The following ANAPC10 variants were observed in gnomAD, a reference collection of about 807,000 sequenced individuals.
The protein encoded by ANAPC10 is anaphase-promoting complex subunit 10.
Under a neutral mutation model 22.0 loss-of-function variants are expected in ANAPC10, and 12 were observed. The observed-to-expected ratio is 0.55, with a 90% CI of 0.35 to 0.88. The LOEUF (loss-of-function observed/expected upper bound fraction) is 0.88. Ranked by LOEUF, ANAPC10 falls within the 40% of genes least tolerant of loss-of-function variation. The probability of loss-of-function intolerance (pLI) is 0.01; values close to 1 mark genes in which losing one functional copy is unlikely to be tolerated. For synonymous variants in ANAPC10, 65 were observed against 69.5 expected (o/e 0.94, Z 0.32); for missense variants, 188 against 220.9 (o/e 0.85, Z 0.94).
At chr4:145,078,258 C>T (rs1438292339) in intron 3 of ANAPC10, among the ~76,000 whole-genome samples, 1 of 151,340 alleles carries the variant, frequency 6.6e-6, no homozygotes, top group African/African-American at 2.4e-5. Flanking sequence ...ATCAAGAACA[C>T]AATTCCACTC....
chr4:145,023,077 C>G (rs1185841629), intron 4 of ANAPC10, among the ~76,000 whole-genome samples: 1 of 152,016 alleles, frequency 6.6e-6, no homozygotes, highest in Admixed American at 6.6e-5. Context: ...AGTACATTTA[C>G]AACATGGAAT....
chr4:145,034,650 T>C (rs1211834938), intron 4 of ANAPC10, among the ~76,000 whole-genome samples: 2 of 150,826 alleles, frequency 1.3e-5, no homozygotes, highest in African/African-American at 4.9e-5. Context: ...ATATACAGGA[T>C]AAAAATTATA....
chr4:145,075,001 T>TA (rs1228624007), intron 3 of ANAPC10, among the ~76,000 whole-genome samples: 3 of 152,046 alleles, frequency 2.0e-5, no homozygotes, highest in East Asian at 3.8e-4. Flanking sequence ...TTTTTTTTTT[T>TA]ATTATTGTTT....
intron 2 of ANAPC10, among the ~76,000 whole-genome samples, chr4:145,094,212 G>A (rs1748136267): frequency 6.6e-6 from 1 of 152,114 alleles, no homozygotes; most frequent in African/African-American, 2.4e-5. Context: ...ACCCACAAGT[G>A]AATTATGCTA....
intron 4 of ANAPC10, among the ~76,000 whole-genome samples, chr4:145,012,176 G>GTATATATA (rs111592959): frequency 7.1e-6 from 1 of 140,630 alleles, no homozygotes; most frequent in Non-Finnish European, 1.5e-5. Flanking sequence ...GTGTGTGTGT[G>GTATATATA]TATATATATA....
chr4:145,056,234 C>T (rs1297526383), intron 4 of ANAPC10, among the ~76,000 whole-genome samples: 1 of 152,206 alleles, frequency 6.6e-6, no homozygotes, highest in Non-Finnish European at 1.5e-5. Flanking sequence ...CTGGCCCAAA[C>T]CCACCAAAAC....
intron 3 of ANAPC10, among the ~76,000 whole-genome samples, chr4:145,067,721 T>C (rs543526362): frequency 2.6e-5 from 4 of 152,348 alleles, no homozygotes; most frequent in South Asian, 2.1e-4. Flanking sequence ...TAATTTCTCA[T>C]TGGGTTTGGA....
chr4:145,036,122 T>C (rs886394218), intron 4 of ANAPC10, among the ~76,000 whole-genome samples: 1 of 152,118 alleles, frequency 6.6e-6, no homozygotes, highest in African/African-American at 2.4e-5. Flanking sequence ...CATTAGGACA[T>C]GGTATGATTC....
intron 4 of ANAPC10, among the ~76,000 whole-genome samples, chr4:145,009,499 G>A (rs1022047435): frequency 2.6e-5 from 4 of 152,058 alleles, no homozygotes; most frequent in African/African-American, 7.3e-5. Flanking sequence ...ACAGAACAGA[G>A]GCCTCAGAAA....
At chr4:145,001,054 G>C (rs2126853897) in intron 4 of ANAPC10, among the ~76,000 whole-genome samples, 1 of 152,136 alleles carries the variant, frequency 6.6e-6, no homozygotes, top group East Asian at 1.9e-4. Flanking sequence ...GGCAGGGGGA[G>C]GGATAGCATT....
At chr4:145,048,723 T>C (rs1740678027) in intron 4 of ANAPC10, among the ~76,000 whole-genome samples, 1 of 151,956 alleles carries the variant, frequency 6.6e-6, no homozygotes, top group Non-Finnish European at 1.5e-5. Flanking sequence ...AAAGAACATG[T>C]ATGTTTTTCA....
At chr4:144,996,356 C>T (rs183272254) in intron 4 of ANAPC10, among the ~76,000 whole-genome samples, 1 of 152,166 alleles carries the variant, frequency 6.6e-6, no homozygotes, top group Non-Finnish European at 1.5e-5. Context: ...CTGGAGCAAC[C>T]TCAGCTGGGC....
intron 4 of ANAPC10, among the ~76,000 whole-genome samples, chr4:145,062,200 C>G (rs935132045): frequency 2.0e-5 from 3 of 152,154 alleles, no homozygotes; most frequent in African/African-American, 7.2e-5. Context: ...AAGTACACAT[C>G]AACCAGCATG....
chr4:145,082,283 G>T (rs1050608754), intron 2 of ANAPC10, among the ~76,000 whole-genome samples: 1 of 152,180 alleles, frequency 6.6e-6, no homozygotes, highest in Admixed American at 6.5e-5. Context: ...CCAAGTAGCT[G>T]GGATTACAGG....
intron 4 of ANAPC10, among the ~76,000 whole-genome samples, chr4:145,013,175 A>C (rs750723395): frequency 6.6e-6 from 1 of 152,158 alleles, no homozygotes; most frequent in Non-Finnish European, 1.5e-5. Flanking sequence ...TCTTTACAGC[A>C]ATCTAAGAAC....
chr4:145,035,963 A>G (rs1368981156), intron 4 of ANAPC10, among the ~76,000 whole-genome samples: 1 of 152,202 alleles, frequency 6.6e-6, no homozygotes, highest in Non-Finnish European at 1.5e-5. Context: ...AAAATGTGGA[A>G]CTGAGAGTTA....
intron 2 of ANAPC10, among the ~76,000 whole-genome samples, chr4:145,082,214 A>G (rs1186144828): frequency 6.6e-6 from 1 of 152,214 alleles, no homozygotes; most frequent in Non-Finnish European, 1.5e-5. Context: ...CAATGGCACA[A>G]TCTCGGCTCA....
At chr4:145,012,155 T>C (rs1448151916) in intron 4 of ANAPC10, among the ~76,000 whole-genome samples, 2 of 142,368 alleles carry the variant, frequency 1.4e-5, no homozygotes, top group Non-Finnish European at 3.0e-5. Flanking sequence ...AATTACAAGC[T>C]ATATGTATAT....
intron 4 of ANAPC10, among the ~76,000 whole-genome samples, chr4:145,022,493 A>G (rs962855564): frequency 2.0e-5 from 3 of 151,902 alleles, no homozygotes; most frequent in Admixed American, 1.3e-4. Context: ...GAATGATACA[A>G]TGGACTTTGG....
Sources: allele counts gnomAD v4.1 joint callset (sites outside exome capture counted in the v4.1 genomes callset), GRCh38; gene constraint gnomAD v4.1.1; transcripts MANE v1.5; gene names NCBI Gene and HGNC (gene_info 2026-07-23, HGNC 2026-07-21).